Variants in CDH13 observed in about 807,000 individuals in gnomAD.
CDH13 encodes cadherin-13.
Under a neutral mutation model 63.8 loss-of-function variants are expected in CDH13, and 24 were observed. The ratio of observed to expected loss-of-function variants is 0.38; its 90% CI spans 0.27 to 0.53. The LOEUF is 0.53. CDH13 is among the 20% of genes least tolerant of loss of function. The probability of loss-of-function intolerance (pLI) is 0.85; values close to 1 mark genes in which losing one functional copy is unlikely to be tolerated. For missense variants in CDH13, 1,049 were observed against 903.1 expected, an observed-to-expected ratio of 1.16 and a Z score of -2.07; for synonymous variants, 503 against 355.3, an observed-to-expected ratio of 1.42 and a Z score of -4.67.
intron 4 of CDH13, among the ~76,000 whole-genome samples, chr16:83,198,429 C>T (rs1597501537): frequency 6.6e-6 from 1 of 152,100 alleles, no homozygotes; most frequent in Admixed American, 6.6e-5. Flanking sequence ...CAGCTGAAGA[C>T]ATAATGAACT....
intron 6 of CDH13, among the ~76,000 whole-genome samples, chr16:83,354,947 C>T (rs761244352): frequency 1.3e-4 from 20 of 152,208 alleles, no homozygotes; most frequent in Admixed American, 2.6e-4. Context: ...AGCGGGGACA[C>T]AGACTGTATA....
intron 1 of CDH13, among the ~76,000 whole-genome samples, chr16:82,663,949 C>T (rs1026855788): frequency 2.0e-5 from 3 of 152,214 alleles, no homozygotes; most frequent in African/African-American, 2.4e-5. Context: ...ACAGGCATTC[C>T]ACTCTGAGGT....
At chr16:83,425,259 C>G (rs2071855210) in intron 6 of CDH13, among the ~76,000 whole-genome samples, 1 of 152,158 alleles carries the variant, frequency 6.6e-6, no homozygotes, top group African/African-American at 2.4e-5. Flanking sequence ...TAAATGGGAC[C>G]CAATATGTCA....
rs2090839634 is a variant in CDH13 at position 83,346,352 on chromosome 16, C to CGGTTTGATGTTTACAGAAATCTTCTTAA, written c.781+1347_781+1374dup. On this transcript the variant is annotated intron_variant, in intron 6 of 13. Coordinates refer to ENST00000567109, the MANE Select transcript of CDH13 (RefSeq NM_001257.5). ...TCTGGTGAGAAACACCCTAGAATTT[C>CGGTTTGATGTTTACAGAAATCTTCTTAA]GGTTTGATGTTTACAGAAATCTTCT... 3.3e-5 allele frequency among the ~76,000 whole-genome samples: 5 copies of CGGTTTGATGTTTACAGAAATCTTCTTAA among 152,128 alleles called. No homozygotes were observed. The South Asian group carries it at 1.0e-3, about 32-fold the overall frequency.
intron 3 of CDH13, among the ~76,000 whole-genome samples, chr16:83,116,461 C>G (rs1423992060): frequency 1.3e-5 from 2 of 152,348 alleles, no homozygotes; most frequent in East Asian, 1.9e-4. Context: ...CCTTGACACA[C>G]TCCTGACCAG....
At chr16:83,744,201 G>A (rs1298248235) in intron 10 of CDH13, among the ~76,000 whole-genome samples, 1 of 152,178 alleles carries the variant, frequency 6.6e-6, no homozygotes, top group Non-Finnish European at 1.5e-5. Flanking sequence ...GAGTTTAGTG[G>A]AGATGGCAGA....
intron 7 of CDH13, among the ~76,000 whole-genome samples, chr16:83,498,996 A>G (rs2074210966): frequency 6.6e-6 from 1 of 152,226 alleles, no homozygotes; most frequent in Non-Finnish European, 1.5e-5. Flanking sequence ...TTTGTCAATA[A>G]GAATCAAATG....
intron 7 of CDH13, among the ~76,000 whole-genome samples, chr16:83,538,049 A>G (rs2075227710): frequency 6.6e-6 from 1 of 152,140 alleles, no homozygotes; most frequent in Admixed American, 6.5e-5. Flanking sequence ...TGTCATTAAG[A>G]TGTTTCCTAA....
intron 2 of CDH13, among the ~76,000 whole-genome samples, chr16:82,959,032 G>T (rs9933379): frequency 0.028 from 4,321 of 152,292 alleles, 183 homozygotes; most frequent in African/African-American, 0.091. Context: ...GTATTTTGGC[G>T]AGGAGCAAGG....
At chr16:82,846,621 T>C (rs2039267340) in intron 1 of CDH13, among the ~76,000 whole-genome samples, 1 of 152,222 alleles carries the variant, frequency 6.6e-6, no homozygotes, top group Non-Finnish European at 1.5e-5. Flanking sequence ...ATCTTTACTC[T>C]GAGCTACTTT....
At chr16:83,400,874 A>T (rs1021681113) in intron 6 of CDH13, among the ~76,000 whole-genome samples, 1 of 152,172 alleles carries the variant, frequency 6.6e-6, no homozygotes, top group Non-Finnish European at 1.5e-5. Context: ...CCTGTAAGCC[A>T]GTCTGTTAGT....
chr16:83,400,990 G>GTTCGA (rs2091959960), intron 6 of CDH13, among the ~76,000 whole-genome samples: 2 of 151,506 alleles, frequency 1.3e-5, no homozygotes, highest in South Asian at 4.2e-4. Flanking sequence ...GATCACTTGA[G>GTTCGA]GCCAGGAGTT....
At chr16:83,138,321 G>T (rs2036386719) in intron 4 of CDH13, among the ~76,000 whole-genome samples, 1 of 152,122 alleles carries the variant, frequency 6.6e-6, no homozygotes, top group South Asian at 2.1e-4. Context: ...CGTCCTAGGA[G>T]AGGGGGCAGA....
At chr16:83,608,644 T>A (rs1200967737) in intron 8 of CDH13, among the ~76,000 whole-genome samples, 1 of 150,860 alleles carries the variant, frequency 6.6e-6, no homozygotes, top group Non-Finnish European at 1.5e-5. Context: ...CACCACCATG[T>A]CTGGCTAATT....
intron 6 of CDH13, among the ~76,000 whole-genome samples, chr16:83,350,368 A>G (rs2090927942): frequency 6.6e-6 from 1 of 152,232 alleles, no homozygotes; most frequent in Non-Finnish European, 1.5e-5. Context: ...ATGACTGACA[A>G]AGATGAATGT....
At chr16:83,486,185 A>G (rs1358012670) in intron 6 of CDH13, among the ~76,000 whole-genome samples, 1 of 152,090 alleles carries the variant, frequency 6.6e-6, no homozygotes, top group African/African-American at 2.4e-5. Context: ...CCACAGTGGA[A>G]TGAAAGCCCC....
intron 2 of CDH13, among the ~76,000 whole-genome samples, chr16:82,888,655 A>G (rs1264594908): frequency 6.6e-6 from 1 of 152,190 alleles, no homozygotes; most frequent in African/African-American, 2.4e-5. Context: ...AAGTTCTGTG[A>G]TGCTTAGCAT....
intron 10 of CDH13, among the ~76,000 whole-genome samples, chr16:83,686,756 C>T (rs1472996616): frequency 6.6e-6 from 1 of 152,012 alleles, no homozygotes; most frequent in African/African-American, 2.4e-5. Context: ...GGGGTGAGGC[C>T]ACCAAAGACA....
intron 5 of CDH13, among the ~76,000 whole-genome samples, chr16:83,307,780 C>T (rs1325840849): frequency 6.6e-6 from 1 of 152,174 alleles, no homozygotes; most frequent in African/African-American, 2.4e-5. Flanking sequence ...AATGTTACTG[C>T]TCTGAACAGC....
Sources: allele counts gnomAD v4.1 joint callset (sites outside exome capture counted in the v4.1 genomes callset), GRCh38; gene constraint gnomAD v4.1.1; transcripts MANE v1.5; gene names NCBI Gene and HGNC (gene_info 2026-07-23, HGNC 2026-07-21).